Variants in MTMR1 observed in about 807,000 individuals in gnomAD.
MTMR1 encodes myotubularin related protein 1.
Under a neutral mutation model 51.6 loss-of-function variants are expected in MTMR1, and 17 were observed. The ratio of observed to expected loss-of-function variants is 0.33; its 90% confidence interval spans 0.23 to 0.49. The LOEUF (loss-of-function observed/expected upper bound fraction) is 0.49, where lower values mean the gene tolerates loss of function less well. Among genes scored for constraint, MTMR1 ranks in the 20% least tolerant of loss-of-function variants. The probability of loss-of-function intolerance (pLI) is 0.99; values close to 1 mark genes in which losing one functional copy is unlikely to be tolerated. For synonymous variants in MTMR1, 201 were observed against 205.6 expected, an observed-to-expected ratio of 0.98 and a Z score of 0.19; for missense variants, 386 against 526.9, an observed-to-expected ratio of 0.73 and a Z score of 2.62.
intron 4 of MTMR1, among the ~76,000 whole-genome samples, chrX:150,721,713 G>C (rs1286611707): frequency 1.8e-5 from 2 of 111,068 alleles, no homozygotes; most frequent in Non-Finnish European, 1.9e-5. Context: ...TCTTCTCCAA[G>C]AGTCAGCTTT....
chrX:150,758,928 C>A (rs983878243), intron 15 of MTMR1, among the ~76,000 whole-genome samples: 6 of 112,585 alleles, frequency 5.3e-5, no homozygotes, highest in Non-Finnish European at 1.9e-5. Flanking sequence ...GAATCCTTCC[C>A]CAGATGAGAA....
At chrX:150,730,486 G>T in intron 7 of MTMR1, 39 bp from the exon 8 acceptor site, 1 of 946,038 alleles carries the variant, frequency 1.1e-6, no homozygotes, top group Non-Finnish European at 1.5e-6. Context: ...GATATAAAAA[G>T]AAATAGTAAC....
intron 12 of MTMR1, among the ~76,000 whole-genome samples, chrX:150,744,157 A>T (rs1388365592): frequency 8.9e-6 from 1 of 112,429 alleles, no homozygotes; most frequent in Non-Finnish European, 1.9e-5. Flanking sequence ...ATAAAACAAC[A>T]TGTAAAAATA....
At chrX:150,721,558 G>T (rs1318594191) in intron 4 of MTMR1, among the ~76,000 whole-genome samples, 1 of 111,476 alleles carries the variant, frequency 9.0e-6, no homozygotes, top group Non-Finnish European at 1.9e-5. Flanking sequence ...TCAAATGATT[G>T]TCATAAAGTC....
chrX:150,718,610 T>TGCCAGGC lies in MTMR1; in HGVS notation c.277-15_277-14insGCCAGGC. 2 of 612,156 alleles carry TGCCAGGC rather than the reference T, an allele frequency of 3.3e-6. No individual in the cohort carries two copies. Among genetic ancestry groups the TGCCAGGC allele is most frequent in the Non-Finnish European group, 4.4e-6 (2 of 453,342 alleles). The allele number at this position is 612,156 out of a possible 1,213,427, so 50.4% of individuals were successfully genotyped here. ...TTTTTTTTTTTTTTTTTTTTTTTTTTTTTTTTTTTGCCAGGCTCTAAGGGA... is the reference window on the plus strand; with the variant it reads ...TTTTTTTTTTTTTTTTTTTTTTTTTTGCCAGGCTTTTTTTTTGCCAGGCTCTAAGGGA... On this transcript the variant is annotated splice_polypyrimidine_tract_variant and intron_variant, in intron 3 of 15. Coordinates refer to ENST00000445323, the MANE Select transcript of MTMR1 (RefSeq NM_001306144.3).
intron 4 of MTMR1, among the ~76,000 whole-genome samples, chrX:150,721,440 AAATTT>A (rs781832501): frequency 6.3e-5 from 7 of 111,664 alleles, no homozygotes; most frequent in Admixed American, 9.5e-5. Context: ...TTTTAACTAC[AAATTT>A]AATTTATTTA....
At chrX:150,758,026 A>G (rs1309630733) in intron 15 of MTMR1, among the ~76,000 whole-genome samples, 1 of 111,454 alleles carries the variant, frequency 9.0e-6, no homozygotes, top group African/African-American at 3.3e-5. Context: ...AGGATCTAGC[A>G]TGGTGTTTGG....
intron 1 of MTMR1, among the ~76,000 whole-genome samples, chrX:150,696,892 C>G (rs1053385361): frequency 1.8e-5 from 2 of 111,580 alleles, no homozygotes; most frequent in East Asian, 5.6e-4. Flanking sequence ...CAAGTGGGAG[C>G]AGGTGGAGGA....
chrX:150,754,854 T>A (rs1466006478), intron 14 of MTMR1, among the ~76,000 whole-genome samples: 1 of 110,219 alleles, frequency 9.1e-6, no homozygotes, highest in African/African-American at 3.3e-5. Flanking sequence ...TGAATCCCCA[T>A]CTCCGCCAAA....
chrX:150,695,044 A>C (rs781908462), intron 1 of MTMR1, among the ~76,000 whole-genome samples: 1 of 112,272 alleles, frequency 8.9e-6, no homozygotes, highest in South Asian at 3.7e-4. Flanking sequence ...GAAAGCTGAC[A>C]TTTGAGTAAT....
intron 15 of MTMR1, 36 bp from the exon 16 acceptor site, chrX:150,762,529 G>A (rs1557418067): frequency 8.3e-7 from 1 of 1,208,643 alleles, no homozygotes. Flanking sequence ...GTAGGAGGAT[G>A]GCCTGATAAT....
At chrX:150,742,834 A>AAAAAAAAAAAAG (rs1557417357) in intron 12 of MTMR1, among the ~76,000 whole-genome samples, 8 of 101,876 alleles carry the variant, frequency 7.9e-5, no homozygotes, top group African/African-American at 2.7e-4. Flanking sequence ...AAAAAAAAAA[A>AAAAAAAAAAAAG]AAAGAAAGAA....
chrX:150,706,927 G>A (rs1303715206), intron 2 of MTMR1, among the ~76,000 whole-genome samples: 1 of 110,536 alleles, frequency 9.0e-6, no homozygotes, highest in Non-Finnish European at 1.9e-5. Context: ...AGAGAACCTA[G>A]AAGTCATCCC....
chrX:150,747,464 A>G (rs782120188), intron 13 of MTMR1, among the ~76,000 whole-genome samples: 7 of 110,951 alleles, frequency 6.3e-5, no homozygotes, highest in Non-Finnish European at 1.1e-4. Context: ...CTAAAACAAT[A>G]AAAAAGGAGG....
chrX:150,712,287 C>T, intron 2 of MTMR1, 55 bp from the exon 3 acceptor site: 1 of 1,089,180 alleles, frequency 9.2e-7, no homozygotes, highest in Non-Finnish European at 1.2e-6. Context: ...TGGCATCTTT[C>T]ACAGGTCAAT....
chrX:150,762,901 G>C lies in MTMR1; in HGVS notation c.*172G>C. 1 of 519,004 alleles carries C rather than the reference G, an allele frequency of 1.9e-6. No individual in the cohort carries two copies. The highest frequency in any genetic ancestry group is 2.8e-6 in the Non-Finnish European group (1 of 353,927). The allele number at this position is 519,004 out of a possible 1,213,427, so 42.8% of individuals were successfully genotyped here. On this transcript the variant is annotated 3_prime_UTR_variant, in exon 16 of 16. Coordinates refer to ENST00000445323, the MANE Select transcript of MTMR1 (RefSeq NM_001306144.3). ...TGGCAACCGTTACCCTCCTGTCAGC[G>C]GTTTCACAGGGGAGCCGTCTGTCAC...
intron 2 of MTMR1, among the ~76,000 whole-genome samples, chrX:150,705,576 G>A (rs2041067727): frequency 8.9e-6 from 1 of 112,154 alleles, no homozygotes; most frequent in Admixed American, 9.4e-5. Flanking sequence ...CATTTTCCAA[G>A]TGCTGAAAGA....
chrX:150,717,357 CAAAAAAAAA>C (rs35558897), intron 3 of MTMR1, among the ~76,000 whole-genome samples: 1 of 42,750 alleles, frequency 2.3e-5, no homozygotes, highest in East Asian at 7.9e-4. Flanking sequence ...GACTCCATCT[CAAAAAAAAA>C]AAAAAAAAAA....
intron 13 of MTMR1, among the ~76,000 whole-genome samples, chrX:150,745,675 C>T (rs1293485802): frequency 8.9e-6 from 1 of 112,122 alleles, no homozygotes; most frequent in African/African-American, 3.2e-5. Context: ...AGATGGCTCT[C>T]CACCTTGAGT....
Sources: gnomAD v4.1 joint callset for allele counts (sites outside exome capture counted in the v4.1 genomes callset) on GRCh38, gnomAD v4.1.1 for gene constraint, MANE v1.5 for transcripts, NCBI Gene and HGNC (gene_info 2026-07-23, HGNC 2026-07-21) for gene names.